FOCAD: variants seen among roughly 807,000 people sequenced by gnomAD.
FOCAD encodes the protein focadhesin.
Under a neutral mutation model 225.6 loss-of-function variants are expected in FOCAD, and 198 were observed. That is an observed-to-expected ratio of 0.88 (90% CI 0.78 to 0.99). The LOEUF (loss-of-function observed/expected upper bound fraction) is 0.99, where lower values mean the gene tolerates loss of function less well. Ranked by LOEUF, FOCAD falls within the 50% of genes least tolerant of loss-of-function variation. The pLI is 0.00. For missense variants in FOCAD, 2,713 were observed against 2,123.6 expected, an observed-to-expected ratio of 1.28 and a Z score of -5.46; for synonymous variants, 897 against 755.0, an observed-to-expected ratio of 1.19 and a Z score of -3.08.
At chr9:20,800,377 G>A (rs540397017) in intron 11 of FOCAD, among the ~76,000 whole-genome samples, 21 of 152,148 alleles carry the variant, frequency 1.4e-4, no homozygotes, top group African/African-American at 5.1e-4. Context: ...TGTGTTTCCT[G>A]AATTTGAATG....
chr9:20,781,787 T>G lies in FOCAD; in HGVS notation c.1055T>G (p.Val352Gly). The change falls in exon 10 of 44, where the codon GTG becomes GGG. Residue 352 changes from valine to glycine, a missense_variant. By Grantham distance (109) the Val-to-Gly change is moderately radical. Coordinates refer to ENST00000338382, the MANE Select transcript of FOCAD (RefSeq NM_001375567.1). ...ATCCCAAAGTCCTCTCTGCTGCTAG[T>G]GATGCCAATTCTGCAGATACTATCT... ...QKIPKSSLLLVMPILQILSST... is the reference protein window; with the variant it reads ...QKIPKSSLLLGMPILQILSST... 1 of 1,614,146 alleles carries G rather than the reference T, an allele frequency of 6.2e-7. No homozygotes were observed. The highest frequency in any genetic ancestry group is 8.5e-7 in the Non-Finnish European group (1 of 1,180,004).
intron 2 of FOCAD, among the ~76,000 whole-genome samples, chr9:20,660,801 G>T (rs1821693180): frequency 6.6e-6 from 1 of 152,134 alleles, no homozygotes. Context: ...TCAGATCATA[G>T]TGACTGGAGA....
chr9:20,693,324 C>G, intron 1 of FOCAD, among the ~76,000 whole-genome samples: 1 of 152,202 alleles, frequency 6.6e-6, no homozygotes, highest in East Asian at 1.9e-4. Flanking sequence ...TCAGGCTACT[C>G]GAGTACTTCC....
At chr9:20,876,136 A>G (rs530948470) in intron 19 of FOCAD, among the ~76,000 whole-genome samples, 1 of 152,304 alleles carries the variant, frequency 6.6e-6, no homozygotes, top group South Asian at 2.1e-4. Flanking sequence ...TGAATGGCCA[A>G]GTTAGACAAA....
chr9:20,741,142 A>T (rs1827580008), intron 5 of FOCAD, among the ~76,000 whole-genome samples: 1 of 152,220 alleles, frequency 6.6e-6, no homozygotes, highest in Non-Finnish European at 1.5e-5. Flanking sequence ...AAGATGGCTT[A>T]CATGGGCTAT....
At chr9:20,687,594 G>C (rs757883253) in intron 1 of FOCAD, among the ~76,000 whole-genome samples, 1 of 152,166 alleles carries the variant, frequency 6.6e-6, no homozygotes, top group African/African-American at 2.4e-5. Context: ...GGACATACAC[G>C]TGGAGAAGAA....
chr9:20,842,627 G>A (rs1826656733), intron 15 of FOCAD, among the ~76,000 whole-genome samples: 1 of 151,788 alleles, frequency 6.6e-6, no homozygotes, highest in Admixed American at 6.6e-5. Context: ...GGTTAAGTAT[G>A]TTTCTTGTAG....
At chr9:20,912,734 T>C in intron 22 of FOCAD, 132 bp from the exon 23 acceptor site, 1 of 631,830 alleles carries the variant, frequency 1.6e-6, no homozygotes, top group Non-Finnish European at 2.8e-6. Context: ...ACACATCCTC[T>C]TTCATAATCT....
intron 7 of FOCAD, 150 bp from the exon 8 acceptor site, chr9:20,769,882 C>A: frequency 4.6e-6 from 3 of 657,868 alleles, no homozygotes; most frequent in Non-Finnish European, 7.7e-6. Context: ...TATAGTTAAT[C>A]CTTCATGGAG....
rs188693783 is a variant in FOCAD, at chr9:20,813,669, T to C, written c.1456-6127T>C. 2.8e-4 allele frequency among the ~76,000 whole-genome samples: 43 copies of C among 152,302 alleles called. 1 individual carries two copies. The East Asian group carries it at 7.9e-3, about 28-fold the overall frequency. ...CTCACACGTGGTCCATCCTAGAGAA[T>C]GTTCGGTGTGCACCTGAGAGAGAAC... On this transcript the variant is annotated intron_variant, in intron 11 of 43. Coordinates refer to ENST00000338382, the MANE Select transcript of FOCAD (RefSeq NM_001375567.1).
intron 43 of FOCAD, among the ~76,000 whole-genome samples, chr9:20,994,646 AGGG>A (rs1841924410): frequency 6.6e-6 from 1 of 152,214 alleles, no homozygotes; most frequent in Admixed American, 6.5e-5. Flanking sequence ...ACTGAAAATC[AGGG>A]CTGTGGTCTG....
At chr9:20,831,920 A>G (rs1825533841) in intron 15 of FOCAD, among the ~76,000 whole-genome samples, 1 of 151,970 alleles carries the variant, frequency 6.6e-6, no homozygotes, top group Admixed American at 6.6e-5. Flanking sequence ...AGATATACCT[A>G]TTCTGGACAC....
chr9:20,832,248 T>C lies in FOCAD; in HGVS notation c.1920+9133T>C, dbSNP rs181022643. Among the ~76,000 whole-genome samples the C allele has an allele frequency of 3.7e-3, 558 of 152,200 alleles. 4 individuals carry two copies. The highest frequency in any genetic ancestry group is 0.013 in the African/African-American group (533 of 41,560). ...ATGATAATTCTATGCTTAACTGTTT[T>C]GAGGAATGCCATACTGTTTTCCAGA... On this transcript the variant is annotated intron_variant, in intron 15 of 43. Transcript: ENST00000338382.
intron 11 of FOCAD, among the ~76,000 whole-genome samples, chr9:20,803,932 C>T (rs1408651756): frequency 6.6e-6 from 1 of 152,152 alleles, no homozygotes; most frequent in African/African-American, 2.4e-5. Flanking sequence ...TGTCAGTTAA[C>T]TTTGTGGCCC....
At chr9:20,699,775 T>TATATATATATATATAC (rs1823762503) in intron 1 of FOCAD, among the ~76,000 whole-genome samples, 3 of 27,304 alleles carry the variant, frequency 1.1e-4, no homozygotes, top group African/African-American at 3.3e-4. Context: ...AAAAAAAAAA[T>TATATATATATATATAC]ATATATATAT....
At chr9:20,757,578 T>G (rs1829169312) in intron 5 of FOCAD, among the ~76,000 whole-genome samples, 1 of 152,198 alleles carries the variant, frequency 6.6e-6, no homozygotes, top group South Asian at 2.1e-4. Flanking sequence ...TTTCTATTCT[T>G]AAATATGCTG....
intron 2 of FOCAD, among the ~76,000 whole-genome samples, chr9:20,663,177 A>C (rs1276647484): frequency 1.3e-5 from 2 of 152,032 alleles, no homozygotes. Context: ...GCTTAAAGTT[A>C]GGAGTTTGAG....
At chr9:20,860,492 G>A (rs1192160753) in intron 15 of FOCAD, among the ~76,000 whole-genome samples, 2 of 152,026 alleles carry the variant, frequency 1.3e-5, no homozygotes, top group African/African-American at 4.8e-5. Context: ...CTTGGCCTTT[G>A]TCCCTGTTAT....
chr9:20,907,658 A>C (rs1042867215), intron 22 of FOCAD, among the ~76,000 whole-genome samples: 67 of 152,046 alleles, frequency 4.4e-4, no homozygotes, highest in African/African-American at 1.6e-3. Flanking sequence ...AGTCTTGTTA[A>C]ATTTCTTTGT....
Sources: gnomAD v4.1 joint callset for allele counts (sites outside exome capture counted in the v4.1 genomes callset) on GRCh38, gnomAD v4.1.1 for gene constraint, MANE v1.5 for transcripts, NCBI Gene and HGNC (gene_info 2026-07-23, HGNC 2026-07-21) for gene names.